Variants in GCC2 observed in about 807,000 individuals in gnomAD.
The protein encoded by GCC2 is GRIP and coiled-coil domain containing 2.
A neutral mutation model predicts 210.6 loss-of-function variants in GCC2; 120 were observed. The observed-to-expected ratio is 0.57, with a 90% CI of 0.49 to 0.66. The LOEUF (loss-of-function observed/expected upper bound fraction) is 0.66. Ranked by LOEUF, GCC2 falls within the 30% of genes least tolerant of loss-of-function variation. The pLI, the probability that GCC2 is intolerant of heterozygous loss-of-function variation, is 0.00. For synonymous variants in GCC2, 703 were observed against 652.7 expected, an observed-to-expected ratio of 1.08 and a Z score of -1.17; for missense variants, 1,868 against 1,871.9, an observed-to-expected ratio of 1.00 and a Z score of 0.04.
chr2:108,450,609 C>T (rs1335514540), intron 2 of GCC2, among the ~76,000 whole-genome samples: 1 of 152,186 alleles, frequency 6.6e-6, no homozygotes, highest in African/African-American at 2.4e-5. Flanking sequence ...TGGCCGGGCG[C>T]GGTGGGTCAC....
intron 13 of GCC2, among the ~76,000 whole-genome samples, chr2:108,485,404 G>T (rs1346654864): frequency 6.6e-6 from 1 of 152,012 alleles, no homozygotes; most frequent in Non-Finnish European, 1.5e-5. Flanking sequence ...GCTGTTTCCT[G>T]GTCTGGGTTA....
In GCC2 at chr2:108,471,850, G is replaced by T. The variant is rs747741971; in HGVS notation, c.2521G>T (p.Val841Phe). The T allele has an allele frequency of 3.1e-6, 5 of 1,613,012 alleles. No individual in the cohort carries two copies. Among genetic ancestry groups the T allele is most frequent in the Admixed American group, 3.3e-5 (2 of 59,908 alleles). Residue 841 changes from valine (V) to phenylalanine (F), a missense_variant, in exon 6 of 23, where the codon GTT becomes TTT. Val to Phe is a conservative substitution (Grantham distance 50). Around this residue, in one of 3 missense-constraint regions of GCC2, gnomAD observed 1,847 missense variants for 1,765.2 expected, o/e 1.05. Transcript: ENST00000309863. Reference sequence around the variant, plus strand: ...ATTGAGAGACTATGAGCAAGAGAAAGTTCTCTTAAGGAAAGAGTTAGAAGA... The same window carrying T: ...ATTGAGAGACTATGAGCAAGAGAAATTTCTCTTAAGGAAAGAGTTAGAAGA... ...SLLRDYEQEK[V>F]LLRKELEEIQ...
chr2:108,486,482 T>G (rs751484988), intron 15 of GCC2, 29 bp from the exon 16 acceptor site: 1 of 1,612,966 alleles, frequency 6.2e-7, no homozygotes, highest in Non-Finnish European at 8.5e-7. Flanking sequence ...TAGGATTTGC[T>G]AAAGCTAAAT....
chr2:108,449,251 C>T lies in GCC2; in HGVS notation c.-24C>T, dbSNP rs370365824. Reference sequence around the variant, plus strand: ...GTGCAGCGGTGGCGGCGGCTGGTTGCGGGCCGGCGGCGGGCTGGCGGAGAT... The same window carrying T: ...GTGCAGCGGTGGCGGCGGCTGGTTGTGGGCCGGCGGCGGGCTGGCGGAGAT... On this transcript the variant is annotated 5_prime_UTR_variant, in exon 1 of 23. Transcript: ENST00000309863. 9.7e-6 allele frequency: 15 copies of T among 1,548,216 alleles called. No homozygotes were observed. The highest frequency in any genetic ancestry group is 5.9e-5 in the Admixed American group (3 of 50,862).
At position 108,472,060 on chromosome 2, in the gene GCC2, C is replaced by T. The variant is rs1681259352; in HGVS notation, c.2731C>T (p.Pro911Ser). Residue 911 changes from proline to serine, a missense_variant, in exon 6 of 23, where the codon CCA becomes TCA. By Grantham distance (74) the Pro-to-Ser change is moderately conservative (BLOSUM62 -1). Transcript: ENST00000309863. Reference protein sequence around the residue: ...CFIKEHENLKPLLEQKELRDR... With the variant: ...CFIKEHENLKSLLEQKELRDR... ...TATAAAGGAACATGAAAACCTAAAG[C>T]CACTACTAGAACAAAAAGAATTACG... The T allele has an allele frequency of 1.9e-6, 3 of 1,580,530 alleles. No individual in the cohort carries two copies. Among genetic ancestry groups the T allele is most frequent in the Non-Finnish European group, 2.6e-6 (3 of 1,170,492 alleles).
intron 7 of GCC2, among the ~76,000 whole-genome samples, chr2:108,474,073 G>A (rs1406415722): frequency 6.6e-6 from 1 of 152,048 alleles, no homozygotes; most frequent in Non-Finnish European, 1.5e-5. Context: ...CAGGAATATG[G>A]CATGAACCCG....
At position 108,449,708 on chromosome 2, in the gene GCC2, T is replaced by A. The variant is rs374147621; in HGVS notation, c.63+19T>A. 1.2e-5 allele frequency: 19 copies of A among 1,604,570 alleles called. No homozygotes were observed. Among genetic ancestry groups the A allele is most frequent in the Non-Finnish European group, 1.5e-5 (18 of 1,171,698 alleles). Reference sequence around the variant, plus strand: ...ATCTAAGGTGAAGAGAATACTTGAATAGCGGGCTTCCTGAAGAGTGGAAGG... The same window carrying A: ...ATCTAAGGTGAAGAGAATACTTGAAAAGCGGGCTTCCTGAAGAGTGGAAGG... On this transcript the variant is annotated intron_variant, in intron 2 of 22. Coordinates refer to ENST00000309863, the MANE Select transcript of GCC2 (RefSeq NM_181453.4).
rs1182216335 is a variant in GCC2 at position 108,472,848 on chromosome 2, T to A, written c.2809T>A (p.Ser937Thr). Residue 937 changes from serine (S) to threonine (T), a missense_variant, in exon 7 of 23, where the codon TCT (serine) becomes ACT (threonine). Physicochemically the swap from Ser to Thr is moderately conservative, Grantham distance 58. This residue lies in a region of GCC2 where 1,847 missense variants were observed against 1,765.2 expected (regional missense o/e 1.05). Transcript: ENST00000309863. The stretch of plus-strand genomic sequence containing the variant: ...CTAGGATTCCTTAGCAAAATCACCT[T>A]CTGTAAAAAATGATCCTCTGTCTTC... ...LLKDSLAKSPSVKNDPLSSVK... is the reference protein window; with the variant it reads ...LLKDSLAKSPTVKNDPLSSVK... The A allele has an allele frequency of 6.3e-7, 1 of 1,592,922 alleles. No individual in the cohort carries two copies.
At chr2:108,453,011 T>G (rs1680039661) in intron 4 of GCC2, among the ~76,000 whole-genome samples, 1 of 152,210 alleles carries the variant, frequency 6.6e-6, no homozygotes, top group African/African-American at 2.4e-5. Flanking sequence ...TAATTATGGT[T>G]GTTACTTCAT....
At chr2:108,468,829 C>T in intron 4 of GCC2, 151 bp from the exon 5 acceptor site, 1 of 540,670 alleles carries the variant, frequency 1.8e-6, no homozygotes, top group East Asian at 2.9e-5. Flanking sequence ...ATCCTTATAT[C>T]TTTTCTCCTT....
intron 22 of GCC2, among the ~76,000 whole-genome samples, chr2:108,507,006 T>C (rs1282825375): frequency 6.6e-6 from 1 of 152,206 alleles, no homozygotes; most frequent in Non-Finnish European, 1.5e-5. Flanking sequence ...TTATCAATGT[T>C]TTAAAGCTAA....
intron 18 of GCC2, among the ~76,000 whole-genome samples, chr2:108,491,402 T>C (rs998182417): frequency 2.0e-5 from 3 of 152,222 alleles, no homozygotes; most frequent in Non-Finnish European, 2.9e-5. Context: ...TGGGTAGATA[T>C]TGTTTGAAAA....
intron 4 of GCC2, among the ~76,000 whole-genome samples, chr2:108,467,944 T>C (rs1396987403): frequency 1.3e-5 from 2 of 152,200 alleles, no homozygotes; most frequent in Admixed American, 6.5e-5. Flanking sequence ...TTTTTAAATA[T>C]AGTATTATGC....
At chr2:108,452,622 G>T (rs1174769154) in intron 4 of GCC2, among the ~76,000 whole-genome samples, 156 bp downstream of exon 4, 1 of 151,240 alleles carries the variant, frequency 6.6e-6, no homozygotes, top group Non-Finnish European at 1.5e-5. Flanking sequence ...GGGGGTTAAT[G>T]ACCTCTGGGT....
At chr2:108,450,331 C>T (rs1679864726) in intron 2 of GCC2, among the ~76,000 whole-genome samples, 1 of 152,132 alleles carries the variant, frequency 6.6e-6, no homozygotes, top group South Asian at 2.1e-4. Flanking sequence ...CATCTTGCTG[C>T]TGTAATTATG....
At chr2:108,477,228 TGTG>T (rs1219268906) in intron 9 of GCC2, among the ~76,000 whole-genome samples, 18 of 152,160 alleles carry the variant, frequency 1.2e-4, no homozygotes, top group African/African-American at 4.3e-4. Flanking sequence ...GTTACAGTAA[TGTG>T]GTAGAATTCT....
chr2:108,470,861 A>G lies in GCC2; in HGVS notation c.1532A>G (p.Gln511Arg), dbSNP rs758365184. Residue 511 changes from glutamine to arginine, a missense_variant, in exon 6 of 23, where the codon CAG (glutamine) becomes CGG (arginine). Coordinates refer to ENST00000309863, the MANE Select transcript of GCC2 (RefSeq NM_181453.4). ...CAAGAGTTCGAATCAATGAAGCAAC[A>G]GCAAGCATCTGATGTTCATGAACTG... ...ISQEFESMKQ[Q>R]QASDVHELQQ... 5.0e-6 allele frequency: 8 copies of G among 1,613,946 alleles called. No individual in the cohort carries two copies. The highest frequency in any genetic ancestry group is 6.8e-6 in the Non-Finnish European group (8 of 1,179,884).
At chr2:108,493,782 G>A in intron 19 of GCC2, 1 of 985,310 alleles carries the variant, frequency 1.0e-6, no homozygotes, top group Non-Finnish European at 1.2e-6. Context: ...ATATGCCAAA[G>A]AATCAACAAA....
intron 21 of GCC2, among the ~76,000 whole-genome samples, chr2:108,499,069 T>C (rs576078525): frequency 1.1e-5 from 1 of 92,642 alleles, no homozygotes; most frequent in African/African-American, 3.6e-5. Context: ...TTACACAGGA[T>C]GCATCCTCTC....
Sources: gnomAD v4.1 joint callset for allele counts (sites outside exome capture counted in the v4.1 genomes callset) on GRCh38, gnomAD v4.1.1 for gene constraint, gnomAD v4.1.1 regional missense constraint, MANE v1.5 for transcripts, NCBI Gene and HGNC (gene_info 2026-07-23, HGNC 2026-07-21) for gene names.